XRRA1: variants seen among roughly 807,000 people sequenced by gnomAD.
XRRA1 encodes the protein X-ray radiation resistance associated 1.
In XRRA1, 69 loss-of-function variants were observed where a neutral mutation model predicts 80.2. The observed-to-expected ratio is 0.86, with a 90% CI of 0.71 to 1.05. The LOEUF (loss-of-function observed/expected upper bound fraction) is 1.05, where lower values mean the gene tolerates loss of function less well. Among genes scored for constraint, XRRA1 ranks in the 50% least tolerant of loss-of-function variants. The pLI is 0.00. For synonymous variants in XRRA1, 348 were observed against 389.9 expected, an observed-to-expected ratio of 0.89 and a Z score of 1.27; for missense variants, 967 against 976.4, an observed-to-expected ratio of 0.99 and a Z score of 0.13.
At chr11:74,907,317 A>G in intron 8 of XRRA1, 44 bp from the exon 9 acceptor site, 1 of 1,609,252 alleles carries the variant, frequency 6.2e-7, no homozygotes, top group Non-Finnish European at 8.5e-7. Context: ...GTCGAGGGAC[A>G]AATTCCACCA....
intron 8 of XRRA1, among the ~76,000 whole-genome samples, chr11:74,916,641 C>T (rs1938801959): frequency 6.6e-6 from 1 of 151,904 alleles, no homozygotes; most frequent in Non-Finnish European, 1.5e-5. Flanking sequence ...CTAGTAAGTA[C>T]TCACTTTCTC....
chr11:74,912,025 T>G (rs1449893281), intron 8 of XRRA1, among the ~76,000 whole-genome samples: 3 of 152,198 alleles, frequency 2.0e-5, no homozygotes, highest in Admixed American at 2.0e-4. Context: ...AGGAGAAAAC[T>G]GTCTTGGAGT....
At chr11:74,886,138 C>G (rs1822847400) in intron 10 of XRRA1, among the ~76,000 whole-genome samples, 1 of 152,158 alleles carries the variant, frequency 6.6e-6, no homozygotes, top group Admixed American at 6.5e-5. Context: ...AAGCATTCCC[C>G]TTGAGAACTG....
rs548989090 is a variant in XRRA1 at position 74,931,326 on chromosome 11, AT to A, written c.352-955del. ...TGTTGACAGTTGTAGTTCTAGTTCA[AT>A]TTTTTTTTTTTTTTTGAGACAAAGT... is the stretch of plus-strand genomic sequence containing the variant. On this transcript the variant is annotated intron_variant, in intron 5 of 18. Coordinates refer to ENST00000684022, the MANE Select transcript of XRRA1 (RefSeq NM_001378157.1). Among the ~76,000 whole-genome samples, 607 of 140,820 alleles carry A rather than the reference AT, an allele frequency of 4.3e-3. 2 individuals carry two copies. Among genetic ancestry groups the A allele is most frequent in the Middle Eastern group, 0.011 (3 of 276 alleles). The allele number at this position is 140,820 out of a possible 152,430, so 92.4% of individuals were successfully genotyped here. A position where few individuals can be genotyped will look rare whatever the true frequency, so the allele number is the denominator to read the frequency against.
At chr11:74,852,229 G>C in intron 12 of XRRA1, 147 bp from the exon 13 acceptor site, 2 of 650,642 alleles carry the variant, frequency 3.1e-6, no homozygotes, top group East Asian at 2.8e-5. Context: ...GGGACTCACT[G>C]CTGGGTGATG....
chr11:74,896,762 G>A (rs2137636009), intron 10 of XRRA1, among the ~76,000 whole-genome samples: 1 of 152,288 alleles, frequency 6.6e-6, no homozygotes, highest in East Asian at 1.9e-4. Context: ...GAAAGTAAGG[G>A]AAAAGAACAA....
At chr11:74,880,772 T>A (rs924388016) in intron 10 of XRRA1, among the ~76,000 whole-genome samples, 1 of 151,458 alleles carries the variant, frequency 6.6e-6, no homozygotes, top group Non-Finnish European at 1.5e-5. Flanking sequence ...TTGAGCGGTT[T>A]TGAGTGAGAT....
chr11:74,911,875 G>A (rs1449323697), intron 8 of XRRA1, among the ~76,000 whole-genome samples: 2 of 152,170 alleles, frequency 1.3e-5, no homozygotes, highest in Non-Finnish European at 2.9e-5. Flanking sequence ...AGTATCATGG[G>A]GCTAGAGAAT....
At chr11:74,930,162 T>A (rs1943179361) in intron 6 of XRRA1, 138 bp downstream of exon 6, 1 of 751,300 alleles carries the variant, frequency 1.3e-6, no homozygotes, top group African/African-American at 1.8e-5. Flanking sequence ...CTTTGTGCTC[T>A]CCAGCACCCA....
intron 10 of XRRA1, among the ~76,000 whole-genome samples, chr11:74,873,068 C>T (rs563048455): frequency 6.6e-6 from 1 of 152,204 alleles, no homozygotes; most frequent in South Asian, 2.1e-4. Flanking sequence ...CTCTTTGTTT[C>T]CCCCAGGTGG....
chr11:74,864,148 T>C (rs1763257662), intron 10 of XRRA1: 1 of 152,078 alleles, frequency 6.6e-6, no homozygotes, highest in Admixed American at 6.5e-5. Context: ...AACTTCAAAA[T>C]AGAATAATTA....
At chr11:74,860,997 T>C (rs1191864889) in intron 11 of XRRA1, among the ~76,000 whole-genome samples, 1 of 152,154 alleles carries the variant, frequency 6.6e-6, no homozygotes, top group African/African-American at 2.4e-5. Flanking sequence ...CTGGGGAGGA[T>C]AAGGAACTAG....
At chr11:74,909,029 C>A (rs1189246677) in intron 8 of XRRA1, among the ~76,000 whole-genome samples, 1 of 152,152 alleles carries the variant, frequency 6.6e-6, no homozygotes, top group Non-Finnish European at 1.5e-5. Flanking sequence ...TTCAGCATGA[C>A]CCTCAGGCAC....
rs143276655 is a variant in XRRA1 at position 74,851,527 on chromosome 11, C to G, written c.1265-324G>C. ...ATGCCTCCAACTCCTGTATCTTACA[C>G]AGTGGCTCCACTGCTGACCACTCCA... On this transcript the variant is annotated intron_variant, in intron 13 of 18. Coordinates refer to ENST00000684022, the MANE Select transcript of XRRA1 (RefSeq NM_001378157.1). Among the ~76,000 whole-genome samples the G allele has an allele frequency of 1.0e-3, 158 of 152,314 alleles. 2 individuals carry two copies. The East Asian group carries it at 0.026, about 25-fold the overall frequency.
chr11:74,896,585 C>T (rs1053340282), intron 10 of XRRA1, among the ~76,000 whole-genome samples: 2 of 152,160 alleles, frequency 1.3e-5, no homozygotes, highest in Non-Finnish European at 1.5e-5. Context: ...ACACCCAGGG[C>T]CTGGGGAAAC....
chr11:74,927,577 G>C (rs1942570562), intron 6 of XRRA1, 89 bp from the exon 7 acceptor site: 10 of 905,418 alleles, frequency 1.1e-5, no homozygotes, highest in Non-Finnish European at 1.8e-5. Context: ...TGTCCCTACT[G>C]GGTTAGGCCA....
intron 10 of XRRA1, among the ~76,000 whole-genome samples, chr11:74,895,869 C>T (rs927801773): frequency 1.3e-5 from 2 of 152,190 alleles, no homozygotes; most frequent in African/African-American, 4.8e-5. Context: ...GGATTCATCA[C>T]ATGGCCCTTG....
At position 74,851,131 on chromosome 11, in the gene XRRA1, TTTAC is replaced by T; in HGVS notation, c.1333_1336del (p.Val445SerfsTer7). The T allele has an allele frequency of 6.2e-7, 1 of 1,613,088 alleles. No homozygotes were observed. The highest frequency in any genetic ancestry group is 8.5e-7 in the Non-Finnish European group (1 of 1,179,308). ...AGACATCAAAACATGATGCTTAGGC[TTTAC>T]TATCTTCCTTCGAATTAAGTGGATT... On this transcript the variant is annotated frameshift_variant, in exon 14 of 19. Coordinates refer to ENST00000684022, the MANE Select transcript of XRRA1 (RefSeq NM_001378157.1). LOFTEE classifies it high-confidence loss of function.
Position 74,906,806 on chromosome 11 carries a change from G to C in XRRA1, c.785+339C>G, listed in dbSNP as rs555645470. 7.0e-5 allele frequency: 27 copies of C among 383,978 alleles called. No homozygotes were observed. The South Asian group carries it at 1.2e-3, about 16-fold the overall frequency. 23.8% of individuals were successfully genotyped at this position (383,978 alleles called of 1,614,324 possible). ...TTTTCTTTACTTCAGTTAGAATTCA[G>C]GAATTAAATTTCTCTTTCTGATTCT... On this transcript the variant is annotated intron_variant, in intron 9 of 18. Transcript: ENST00000684022.
Sources: gnomAD v4.1 joint callset for allele counts (sites outside exome capture counted in the v4.1 genomes callset) on GRCh38, gnomAD v4.1.1 for gene constraint, MANE v1.5 for transcripts, NCBI Gene and HGNC (gene_info 2026-07-23, HGNC 2026-07-21) for gene names.